Variants in KLHL22 observed in about 807,000 individuals in gnomAD.
KLHL22 encodes kelch-like protein 22.
Under a neutral mutation model 60.7 loss-of-function variants are expected in KLHL22, and 18 were observed. That is an observed-to-expected ratio of 0.30 (90% CI 0.20 to 0.44). The LOEUF (loss-of-function observed/expected upper bound fraction) is 0.44. Among genes scored for constraint, KLHL22 ranks in the 20% least tolerant of loss-of-function variants. The pLI is 1.00. For synonymous variants in KLHL22, 355 were observed against 354.5 expected (o/e 1.00, Z -0.01); for missense variants, 596 against 852.3 (o/e 0.70, Z 3.74).
At chr22:20,487,303 C>T (rs371286255) in intron 2 of KLHL22, among the ~76,000 whole-genome samples, 6 of 152,114 alleles carry the variant, frequency 3.9e-5, no homozygotes, top group Admixed American at 6.5e-5. Flanking sequence ...CTGCAACCTC[C>T]GCATCCTGTG....
chr22:20,483,698 T>G, intron 2 of KLHL22: 2 of 735,978 alleles, frequency 2.7e-6, no homozygotes, highest in Non-Finnish European at 5.0e-6. Flanking sequence ...ATCTGAGCCC[T>G]CAGGTCCTCG....
In KLHL22 at chr22:20,442,566, T is replaced by C. The variant is rs2052778992; in HGVS notation, c.1540-128A>G. ...TGACAGGTCAGGCCCCCTGGAAGGA[T>C]GGCACAGGGCCAGTGTTGAAACATC... On this transcript the variant is annotated intron_variant, in intron 6 of 6. Coordinates refer to ENST00000328879, the MANE Select transcript of KLHL22 (RefSeq NM_032775.4). 4 of 1,168,380 alleles carry C rather than the reference T, an allele frequency of 3.4e-6. No homozygotes were observed. In the East Asian group the frequency reaches 8.1e-5, roughly 24 times the overall value. 72.4% of individuals were successfully genotyped at this position (1,168,380 alleles called of 1,614,324 possible).
intron 1 of KLHL22, among the ~76,000 whole-genome samples, chr22:20,489,457 G>T (rs1220280588): frequency 6.6e-6 from 1 of 152,076 alleles, no homozygotes; most frequent in African/African-American, 2.4e-5. Flanking sequence ...GTGCCATCAT[G>T]CCCAAGACTC....
chr22:20,442,399 C>T lies in KLHL22; in HGVS notation c.1579G>A (p.Val527Ile). The T allele has an allele frequency of 6.2e-7, 1 of 1,611,656 alleles. No homozygotes were observed. The change falls in exon 7 of 7, where the codon GTC becomes ATC. Residue 527 changes from valine (V) to isoleucine (I), a missense_variant. Physicochemically the swap from Val to Ile is conservative, Grantham distance 29. Transcript: ENST00000328879. ...CCGTGCCCAGCAGGGAGTGGGCAGA[C>T]AGATGACCACTGTCCAGACGTGCAG... ...YSCTSGQWSS[V>I]CPLPAGHGEP...
intron 4 of KLHL22, 116 bp downstream of exon 4, chr22:20,464,742 T>C (rs2053204027): frequency 3.0e-6 from 2 of 659,002 alleles, no homozygotes; most frequent in Non-Finnish European, 5.3e-6. Flanking sequence ...CATTCCACAA[T>C]GGCAAGTGAT....
At chr22:20,468,053 G>A (rs1428987553) in intron 3 of KLHL22, among the ~76,000 whole-genome samples, 1 of 152,170 alleles carries the variant, frequency 6.6e-6, no homozygotes, top group Non-Finnish European at 1.5e-5. Context: ...CTAAGAGCTG[G>A]ATGAGACCTA....
At chr22:20,456,599 C>A (rs985219895) in intron 5 of KLHL22, 2 of 152,310 alleles carry the variant, frequency 1.3e-5, no homozygotes, top group African/African-American at 4.8e-5. Flanking sequence ...CTGATCTTCT[C>A]CATGCAAAAT....
chr22:20,471,896 G>C (rs2053332741), intron 2 of KLHL22, among the ~76,000 whole-genome samples: 1 of 152,172 alleles, frequency 6.6e-6, no homozygotes, highest in South Asian at 2.1e-4. Flanking sequence ...ACTAATAAAA[G>C]TCATTTCATT....
chr22:20,473,853 C>T (rs1036512674), intron 2 of KLHL22, among the ~76,000 whole-genome samples: 2 of 152,166 alleles, frequency 1.3e-5, no homozygotes, highest in South Asian at 2.1e-4. Flanking sequence ...CCAGCCTGGG[C>T]AACAAGAGTG....
At chr22:20,486,466 T>G (rs2053588669) in intron 2 of KLHL22, among the ~76,000 whole-genome samples, 2 of 152,108 alleles carry the variant, frequency 1.3e-5, no homozygotes, top group African/African-American at 4.8e-5. Context: ...GAATGACACC[T>G]AGACACCCAA....
intron 4 of KLHL22, 84 bp downstream of exon 4, chr22:20,464,774 G>A (rs922819881): frequency 6.1e-5 from 50 of 821,096 alleles, no homozygotes; most frequent in South Asian, 8.9e-5. Flanking sequence ...AGGCTGGGGG[G>A]AACCTGACCA....
At chr22:20,485,748 A>T (rs1299192304) in intron 2 of KLHL22, among the ~76,000 whole-genome samples, 1 of 151,990 alleles carries the variant, frequency 6.6e-6, no homozygotes, top group Non-Finnish European at 1.5e-5. Context: ...CACGTCTGTA[A>T]TCCCAGCTAC....
chr22:20,485,974 C>T (rs1174521312), intron 2 of KLHL22, among the ~76,000 whole-genome samples: 1 of 151,818 alleles, frequency 6.6e-6, no homozygotes, highest in Non-Finnish European at 1.5e-5. Flanking sequence ...CGAGATCAGC[C>T]TGGCCAACAT....
chr22:20,483,829 A>G, intron 2 of KLHL22: 1 of 736,532 alleles, frequency 1.4e-6, no homozygotes, highest in Non-Finnish European at 2.5e-6. Context: ...TCCAGGTAGG[A>G]GGCCAGGCGG....
Position 20,462,104 on chromosome 22 carries a change from C to CA in KLHL22, c.1112+2753dup, listed in dbSNP as rs575549582. Among the ~76,000 whole-genome samples the CA allele has an allele frequency of 1.3e-4, 20 of 149,416 alleles. No homozygotes were observed. In the South Asian group the frequency reaches 3.7e-3, roughly 28 times the overall value. Reference sequence around the variant, plus strand: ...AAAACAGCGAGACTCCATCTCAAAACAAAAAAACAAAAAAACAAAAAAATT... The same window carrying CA: ...AAAACAGCGAGACTCCATCTCAAAACAAAAAAAACAAAAAAACAAAAAAATT... On this transcript the variant is annotated intron_variant, in intron 4 of 6. Transcript: ENST00000328879.
chr22:20,468,227 G>T (rs1252609417), intron 3 of KLHL22, among the ~76,000 whole-genome samples: 1 of 152,102 alleles, frequency 6.6e-6, no homozygotes, highest in Non-Finnish European at 1.5e-5. Flanking sequence ...TTTGTCATGG[G>T]CCAGGGTCCT....
At chr22:20,490,935 T>C (rs2053677629) in intron 1 of KLHL22, among the ~76,000 whole-genome samples, 1 of 152,142 alleles carries the variant, frequency 6.6e-6, no homozygotes, top group African/African-American at 2.4e-5. Flanking sequence ...ACTCTAACAC[T>C]ACCTGGAGAC....
intron 5 of KLHL22, among the ~76,000 whole-genome samples, chr22:20,449,187 A>G (rs1251652443): frequency 2.6e-5 from 4 of 151,316 alleles, no homozygotes; most frequent in African/African-American, 9.7e-5. Context: ...CAGCCTCCCA[A>G]GTAGCTGGGA....
At chr22:20,461,681 G>A (rs546213630) in intron 4 of KLHL22, among the ~76,000 whole-genome samples, 5 of 151,882 alleles carry the variant, frequency 3.3e-5, no homozygotes, top group African/African-American at 7.3e-5. Flanking sequence ...TGTACTGACC[G>A]GGCACGGTGG....
Sources: gnomAD v4.1 joint callset for allele counts (sites outside exome capture counted in the v4.1 genomes callset) on GRCh38, gnomAD v4.1.1 for gene constraint, MANE v1.5 for transcripts, NCBI Gene and HGNC (gene_info 2026-07-23, HGNC 2026-07-21) for gene names.